The following RBFOX1 variants were observed in gnomAD, a reference collection of about 807,000 sequenced individuals.
RBFOX1 encodes RNA binding protein fox-1 homolog 1.
Under a neutral mutation model 57.7 loss-of-function variants are expected in RBFOX1, and 8 were observed. That is an observed-to-expected ratio of 0.14 (90% CI 0.08 to 0.25). The LOEUF is 0.25. Ranked by LOEUF, RBFOX1 falls within the 10% of genes least tolerant of loss-of-function variation. RBFOX1 has a pLI of 1.00. For synonymous variants in RBFOX1, 326 were observed against 222.4 expected, an observed-to-expected ratio of 1.47 and a Z score of -4.15; for missense variants, 611 against 548.5, an observed-to-expected ratio of 1.11 and a Z score of -1.14.
At chr16:6,857,292 A>G (rs1485853528) in intron 3 of RBFOX1, among the ~76,000 whole-genome samples, 3 of 152,196 alleles carry the variant, frequency 2.0e-5, no homozygotes, top group African/African-American at 4.8e-5. Flanking sequence ...GAAGAATCCC[A>G]AAGAAGAAGT....
intron 2 of RBFOX1, among the ~76,000 whole-genome samples, chr16:6,571,849 G>C: frequency 6.6e-6 from 1 of 151,534 alleles, no homozygotes; most frequent in East Asian, 1.9e-4. Flanking sequence ...ATCATGAGTG[G>C]TTTGATTGAG....
intron 11 of RBFOX1, among the ~76,000 whole-genome samples, chr16:7,647,195 T>C (rs2144117276): frequency 6.6e-6 from 1 of 152,294 alleles, no homozygotes; most frequent in South Asian, 2.1e-4. Context: ...ATATGCTCTG[T>C]ATATAAATCT....
intron 3 of RBFOX1, among the ~76,000 whole-genome samples, chr16:5,773,774 T>G (rs1455500881): frequency 1.3e-5 from 2 of 151,852 alleles, no homozygotes; most frequent in African/African-American, 4.8e-5. Flanking sequence ...CTCGGCTCAC[T>G]GCAACCTCCA....
intron 3 of RBFOX1, among the ~76,000 whole-genome samples, chr16:5,845,303 T>G (rs2056727129): frequency 6.6e-6 from 1 of 152,194 alleles, no homozygotes; most frequent in Non-Finnish European, 1.5e-5. Flanking sequence ...CATTTCCTCC[T>G]TCTTCTGGAC....
At chr16:5,616,571 C>G (rs112282969) in intron 3 of RBFOX1, among the ~76,000 whole-genome samples, 6,941 of 150,188 alleles carry the variant, frequency 0.046, 559 homozygotes, top group African/African-American at 0.16. Context: ...CTCCTCTTCC[C>G]TCTCCCTTCT....
chr16:5,814,459 G>C (rs919902389), intron 3 of RBFOX1, among the ~76,000 whole-genome samples: 13 of 152,098 alleles, frequency 8.5e-5, no homozygotes, highest in African/African-American at 2.9e-4. Flanking sequence ...TATAGGCTCT[G>C]TGCTGAGCAC....
At chr16:7,390,131 A>C (rs1366713229) in intron 4 of RBFOX1, among the ~76,000 whole-genome samples, 1 of 152,120 alleles carries the variant, frequency 6.6e-6, no homozygotes, top group African/African-American at 2.4e-5. Context: ...ACATACTTTC[A>C]AACAAACAGC....
chr16:5,977,947 C>A (rs1263861383), intron 4 of RBFOX1, among the ~76,000 whole-genome samples: 1 of 151,862 alleles, frequency 6.6e-6, no homozygotes, highest in South Asian at 2.1e-4. Flanking sequence ...GATATCCAGA[C>A]ATTGCCATGC....
At chr16:5,815,156 A>ATTTT (rs71142650) in intron 3 of RBFOX1, among the ~76,000 whole-genome samples, 1,903 of 114,154 alleles carry the variant, frequency 0.017, 92 homozygotes, top group African/African-American at 0.06. Context: ...ATTTAATTTA[A>ATTTT]TTTTTTTTTT....
chr16:6,056,947 C>G (rs1216386102), intron 1 of RBFOX1: 5 of 150,318 alleles, frequency 3.3e-5, no homozygotes, highest in Non-Finnish European at 7.4e-5. Context: ...ATTGATTAAA[C>G]TCTCTTTTTA....
intron 3 of RBFOX1, among the ~76,000 whole-genome samples, chr16:6,981,325 T>G (rs1246683616): frequency 6.6e-6 from 1 of 152,050 alleles, no homozygotes; most frequent in Non-Finnish European, 1.5e-5. Context: ...TGTCCATGTG[T>G]TCTCATTATT....
At chr16:6,507,611 C>T (rs972346509) in intron 2 of RBFOX1, among the ~76,000 whole-genome samples, 1 of 151,738 alleles carries the variant, frequency 6.6e-6, no homozygotes, top group Non-Finnish European at 1.5e-5. Context: ...GTGGAGGCTG[C>T]AGTGAGCTGT....
chr16:5,695,070 T>C (rs115104727), intron 3 of RBFOX1, among the ~76,000 whole-genome samples: 1,584 of 152,170 alleles, frequency 0.01, 28 homozygotes, highest in African/African-American at 0.036. Flanking sequence ...TATGTTTTTA[T>C]TGATAAATTG....
At chr16:5,942,992 C>T (rs1014432540) in intron 4 of RBFOX1, among the ~76,000 whole-genome samples, 4 of 152,120 alleles carry the variant, frequency 2.6e-5, no homozygotes, top group African/African-American at 9.7e-5. Context: ...TGCCAAGCAC[C>T]CCCCAAGGGG....
intron 4 of RBFOX1, among the ~76,000 whole-genome samples, chr16:7,286,048 G>A (rs1051245221): frequency 3.3e-5 from 5 of 152,134 alleles, no homozygotes; most frequent in African/African-American, 1.2e-4. Context: ...AGCATACTGG[G>A]AACACTGTAC....
At position 5,753,024 on chromosome 16, in the gene RBFOX1, T is replaced by C. The variant is rs74495205; in HGVS notation, c.319-114279T>C. Among the ~76,000 whole-genome samples the C allele has an allele frequency of 2.9e-3, 435 of 152,172 alleles. 4 individuals carry two copies. The highest frequency in any genetic ancestry group is 0.01 in the African/African-American group (421 of 41,530). ...CCGTATTTTAAAAATTAGCCAGATG[T>C]GTGGCTACACTTGTAGTCCCAGCTG... On this transcript the variant is annotated intron_variant, in intron 3 of 19. Transcript: ENST00000641259.
chr16:5,759,523 A>AGG (rs2053520255), intron 3 of RBFOX1, among the ~76,000 whole-genome samples: 1 of 152,194 alleles, frequency 6.6e-6, no homozygotes, highest in Non-Finnish European at 1.5e-5. Flanking sequence ...GCCCATGCAA[A>AGG]TTCAGAGTTT....
intron 4 of RBFOX1, among the ~76,000 whole-genome samples, chr16:7,347,123 G>A (rs2145697771): frequency 6.6e-6 from 1 of 152,252 alleles, no homozygotes; most frequent in East Asian, 1.9e-4. Context: ...TGGCTTGTAA[G>A]GACATTTAGC....
At chr16:7,694,365 T>G (rs190852896) in intron 14 of RBFOX1, among the ~76,000 whole-genome samples, 3 of 152,306 alleles carry the variant, frequency 2.0e-5, no homozygotes, top group East Asian at 1.9e-4. Context: ...CACTCCCTAT[T>G]TACTGCCTTT....
Sources: allele counts gnomAD v4.1 joint callset (sites outside exome capture counted in the v4.1 genomes callset), GRCh38; gene constraint gnomAD v4.1.1; transcripts MANE v1.5; gene names NCBI Gene and HGNC (gene_info 2026-07-23, HGNC 2026-07-21).